Variants in GABRB3 observed in about 807,000 individuals in gnomAD.
GABRB3 encodes the protein gamma-aminobutyric acid type A receptor subunit beta3.
GABRB3 carries 14 observed loss-of-function variants against 52.1 expected under a neutral mutation model. The observed-to-expected ratio is 0.27, with a 90% CI of 0.18 to 0.42. The LOEUF is 0.42. GABRB3 is among the 10% of genes least tolerant of loss of function. The pLI is 1.00. For synonymous variants in GABRB3, 260 were observed against 232.3 expected (o/e 1.12, Z -1.08); for missense variants, 307 against 609.1 (o/e 0.50, Z 5.22).
chr15:26,752,977 G>A (rs916535021), intron 3 of GABRB3, among the ~76,000 whole-genome samples: 3 of 152,134 alleles, frequency 2.0e-5, no homozygotes, highest in African/African-American at 7.2e-5. Flanking sequence ...CGTGCTTGAG[G>A]TGTCTATTGT....
chr15:26,569,738 C>T (rs1266141212), intron 6 of GABRB3, among the ~76,000 whole-genome samples: 1 of 152,214 alleles, frequency 6.6e-6, no homozygotes, highest in Non-Finnish European at 1.5e-5. Context: ...TATGCCGCTG[C>T]CACTATCAGC....
At chr15:26,569,645 T>A (rs919004713) in intron 6 of GABRB3, among the ~76,000 whole-genome samples, 31 of 152,388 alleles carry the variant, frequency 2.0e-4, no homozygotes, top group African/African-American at 7.5e-4. Context: ...AGGATGAATA[T>A]GCCAAAGGAG....
intron 3 of GABRB3, among the ~76,000 whole-genome samples, chr15:26,629,623 TG>T (rs1162498367): frequency 6.6e-6 from 1 of 152,096 alleles, no homozygotes; most frequent in African/African-American, 2.4e-5. Flanking sequence ...TCCTTGGCTG[TG>T]GGTGAGCCCC....
chr15:26,650,241 T>C (rs778121143), intron 3 of GABRB3, among the ~76,000 whole-genome samples: 42 of 152,244 alleles, frequency 2.8e-4, no homozygotes, highest in Admixed American at 5.9e-4. Flanking sequence ...AAGATGAGTA[T>C]TGGGTTAATG....
chr15:26,604,986 C>A (rs966664546), intron 4 of GABRB3, among the ~76,000 whole-genome samples: 2 of 152,044 alleles, frequency 1.3e-5, no homozygotes, highest in African/African-American at 4.8e-5. Flanking sequence ...GAATAAGCCA[C>A]AAAACAGGAG....
chr15:26,572,748 A>G (rs1890452998), intron 6 of GABRB3, among the ~76,000 whole-genome samples: 1 of 152,202 alleles, frequency 6.6e-6, no homozygotes, highest in Admixed American at 6.5e-5. Flanking sequence ...TTACAACTGA[A>G]ATGCGCTGAA....
intron 3 of GABRB3, among the ~76,000 whole-genome samples, chr15:26,696,383 G>GTTA (rs71639607): frequency 1.3e-5 from 2 of 151,798 alleles, no homozygotes; most frequent in East Asian, 1.9e-4. Flanking sequence ...TATAATTACT[G>GTTA]TTATTATTAT....
intron 4 of GABRB3, chr15:26,611,939 G>A (rs1035649949): frequency 1.7e-4 from 26 of 152,126 alleles, no homozygotes; most frequent in African/African-American, 5.5e-4. Context: ...ATAAATGTTC[G>A]CATTCCTTTA....
intron 3 of GABRB3, among the ~76,000 whole-genome samples, chr15:26,669,481 T>G (rs1887820865): frequency 6.6e-6 from 1 of 152,098 alleles, no homozygotes. Context: ...ATGGTAATAT[T>G]ATCATTTCAC....
chr15:26,714,660 C>T (rs777563736), intron 3 of GABRB3, among the ~76,000 whole-genome samples: 6 of 152,102 alleles, frequency 3.9e-5, no homozygotes, highest in Admixed American at 2.6e-4. Context: ...AGAAGAGGGG[C>T]GACTTTGAAT....
At chr15:26,598,694 A>G (rs1024954487) in intron 4 of GABRB3, among the ~76,000 whole-genome samples, 6 of 152,210 alleles carry the variant, frequency 3.9e-5, no homozygotes, top group African/African-American at 1.4e-4. Context: ...GCATTTGGAA[A>G]GGCTTCCCAG....
At chr15:26,758,161 G>T (rs1032423801) in intron 3 of GABRB3, among the ~76,000 whole-genome samples, 1 of 151,872 alleles carries the variant, frequency 6.6e-6, no homozygotes, top group African/African-American at 2.4e-5. Flanking sequence ...AAATAGTTTA[G>T]TAATATGTAA....
At chr15:26,732,723 G>A (rs140688421) in intron 3 of GABRB3, among the ~76,000 whole-genome samples, 2,831 of 152,016 alleles carry the variant, frequency 0.019, 75 homozygotes, top group African/African-American at 0.064. Context: ...ACGCGCTACC[G>A]TGGCCAGCTG....
chr15:26,667,134 G>A (rs1198771495), intron 3 of GABRB3, among the ~76,000 whole-genome samples: 1 of 152,196 alleles, frequency 6.6e-6, no homozygotes, highest in South Asian at 2.1e-4. Context: ...AACGCATCCT[G>A]TATTACTGTC....
intron 6 of GABRB3, among the ~76,000 whole-genome samples, chr15:26,576,826 A>G (rs376584122): frequency 2.6e-5 from 4 of 152,090 alleles, no homozygotes; most frequent in Admixed American, 1.3e-4. Context: ...ACTTACACGG[A>G]AAGTTTTGCT....
chr15:26,621,239 T>C lies in GABRB3; in HGVS notation c.461+75A>G. On this transcript the variant is annotated intron_variant, in intron 4 of 8. Transcript: ENST00000311550. The surrounding 1 kb of genome is among the most constrained non-coding windows in gnomAD (Gnocchi z 4.1). ...TCTGAGGTCATTGCCTCACTTACAA[T>C]AATCATCTCAAGTGAGATATTCAAC... 2.6e-6 allele frequency: 3 copies of C among 1,138,784 alleles called. No homozygotes were observed. The highest frequency in any genetic ancestry group is 4.0e-6 in the Non-Finnish European group (3 of 747,850). 70.5% of individuals were successfully genotyped at this position (1,138,784 alleles called of 1,614,324 possible). A position where few individuals can be genotyped will look rare whatever the true frequency, so the allele number is the denominator to read the frequency against.
chr15:26,738,958 T>C (rs956833054), intron 3 of GABRB3, among the ~76,000 whole-genome samples: 7 of 152,194 alleles, frequency 4.6e-5, no homozygotes, highest in Non-Finnish European at 2.9e-5. Context: ...AGACCTAGGA[T>C]GTATTCAGCA....
intron 3 of GABRB3, among the ~76,000 whole-genome samples, chr15:26,666,923 A>T (rs1887731709): frequency 1.3e-5 from 2 of 152,010 alleles, no homozygotes; most frequent in Admixed American, 6.5e-5. Context: ...AGATCTGAAC[A>T]CTCATCTCTG....
At chr15:26,690,042 T>C (rs1420955778) in intron 3 of GABRB3, among the ~76,000 whole-genome samples, 1 of 151,982 alleles carries the variant, frequency 6.6e-6, no homozygotes, top group Non-Finnish European at 1.5e-5. Context: ...AAATAGGGTA[T>C]TGGCCATACC....
Sources: allele counts gnomAD v4.1 joint callset (sites outside exome capture counted in the v4.1 genomes callset), GRCh38; gene constraint gnomAD v4.1.1; non-coding constraint Gnocchi (gnomAD v3.1); transcripts MANE v1.5; gene names NCBI Gene and HGNC (gene_info 2026-07-23, HGNC 2026-07-21).